FABP12: variants seen among roughly 807,000 people sequenced by gnomAD.
FABP12 encodes the protein fatty acid-binding protein 12.
In FABP12, 19 loss-of-function variants were observed where a neutral mutation model predicts 13.7. The ratio of observed to expected loss-of-function variants is 1.39; its 90% CI spans 0.97 to 2.04. FABP12 has a LOEUF of 2.04. Among genes scored for constraint, FABP12 ranks in the 30% most tolerant of loss-of-function variants. The pLI, the probability that FABP12 is intolerant of heterozygous loss-of-function variation, is 0.00. For synonymous variants in FABP12, 61 were observed against 57.0 expected (o/e 1.07, Z -0.32); for missense variants, 182 against 164.2 (o/e 1.11, Z -0.59).
intron 1 of FABP12, among the ~76,000 whole-genome samples, chr8:81,547,678 T>C (rs1809457536): frequency 6.6e-6 from 1 of 152,198 alleles, no homozygotes; most frequent in Non-Finnish European, 1.5e-5. Context: ...ATCATTTAAT[T>C]TTTCATAACT....
At chr8:81,557,094 C>T (rs192156669) in intron 1 of FABP12, among the ~76,000 whole-genome samples, 340 of 151,964 alleles carry the variant, frequency 2.2e-3, no homozygotes, top group Non-Finnish European at 3.9e-3. Context: ...AGGCTGGTCT[C>T]GAATTCCTGA....
At chr8:81,587,981 T>A (rs1416244020) in intron 1 of FABP12, among the ~76,000 whole-genome samples, 1 of 152,132 alleles carries the variant, frequency 6.6e-6, no homozygotes, top group East Asian at 1.9e-4. Context: ...TGGAGTGTGA[T>A]GTTCAAGGTC....
chr8:81,582,134 T>TTA (rs1420311388), intron 1 of FABP12, among the ~76,000 whole-genome samples: 3 of 142,530 alleles, frequency 2.1e-5, no homozygotes, highest in Non-Finnish European at 4.6e-5. Flanking sequence ...TTTTTTTTTT[T>TTA]TTTTTTGAGA....
chr8:81,544,000 G>T (rs1809394957), intron 1 of FABP12, among the ~76,000 whole-genome samples: 1 of 152,126 alleles, frequency 6.6e-6, no homozygotes, highest in Non-Finnish European at 1.5e-5. Flanking sequence ...AACAGATATA[G>T]AGCACAGGAA....
chr8:81,525,305 CAGG>C (rs1808866177), intron 4 of FABP12, among the ~76,000 whole-genome samples, 185 bp from the exon 5 acceptor site: 1 of 152,136 alleles, frequency 6.6e-6, no homozygotes, highest in South Asian at 2.1e-4. Flanking sequence ...CACCTGAGGT[CAGG>C]AGTTCAAGAC....
chr8:81,567,252 G>A (rs746038770), intron 1 of FABP12, among the ~76,000 whole-genome samples: 15 of 151,956 alleles, frequency 9.9e-5, no homozygotes, highest in Non-Finnish European at 1.8e-4. Flanking sequence ...CATTGGTAGG[G>A]ATTCAATACA....
At chr8:81,532,713 C>T (rs1490003267) in intron 1 of FABP12, among the ~76,000 whole-genome samples, 2 of 152,136 alleles carry the variant, frequency 1.3e-5, no homozygotes, top group African/African-American at 4.8e-5. Context: ...CCCAGCTACT[C>T]GGGAGGCTGA....
intron 1 of FABP12, among the ~76,000 whole-genome samples, chr8:81,558,620 G>A (rs1241544463): frequency 1.3e-5 from 2 of 152,154 alleles, no homozygotes; most frequent in Admixed American, 6.5e-5. Flanking sequence ...GGCAGGGCGC[G>A]GTGGCTCGTG....
intron 1 of FABP12, among the ~76,000 whole-genome samples, 189 bp from the exon 2 acceptor site, chr8:81,531,579 A>G (rs140435569): frequency 2.2e-3 from 339 of 152,336 alleles, no homozygotes; most frequent in African/African-American, 7.3e-3. Flanking sequence ...ACCTTTTCCA[A>G]CACCAATTTA....
chr8:81,530,983 T>A (rs1339595356), intron 2 of FABP12, among the ~76,000 whole-genome samples: 1 of 152,096 alleles, frequency 6.6e-6, no homozygotes, highest in Non-Finnish European at 1.5e-5. Context: ...AATAGTTGTA[T>A]TTTTTTGTTT....
intron 1 of FABP12, among the ~76,000 whole-genome samples, chr8:81,575,400 A>C (rs1810021791): frequency 6.6e-6 from 1 of 152,144 alleles, no homozygotes; most frequent in Non-Finnish European, 1.5e-5. Context: ...AGAAAGTTCC[A>C]TGTGTTGTCA....
chr8:81,538,497 TATA>T (rs1238627492), upstream of FABP12, among the ~76,000 whole-genome samples: 1 of 152,134 alleles, frequency 6.6e-6, no homozygotes, highest in Non-Finnish European at 1.5e-5. Context: ...CATATGTTCT[TATA>T]AGAGAAAGGA....
exon 2 of FABP12, chr8:81,531,318 T>C (rs763045277): frequency 1.4e-5 from 22 of 1,594,942 alleles, no homozygotes; most frequent in Non-Finnish European, 1.8e-5. Context: ...TCAATCATTC[T>C]GTCTGAGATA....
intron 1 of FABP12, among the ~76,000 whole-genome samples, chr8:81,568,280 A>G (rs969300189): frequency 2.0e-5 from 3 of 151,720 alleles, no homozygotes; most frequent in Admixed American, 6.6e-5. Context: ...ACTCAATAGG[A>G]AAAAAAACCA....
At chr8:81,555,585 C>T (rs985528167) in intron 1 of FABP12, among the ~76,000 whole-genome samples, 2 of 152,148 alleles carry the variant, frequency 1.3e-5, no homozygotes, top group African/African-American at 4.8e-5. Context: ...TAGTTGCCAT[C>T]TTTTGATGGT....
chr8:81,530,320 C>A (rs1404503654), intron 2 of FABP12, among the ~76,000 whole-genome samples: 2 of 152,022 alleles, frequency 1.3e-5, no homozygotes, highest in Non-Finnish European at 2.9e-5. Flanking sequence ...TATACTTTTT[C>A]ATAGTACATA....
At chr8:81,587,818 C>A (rs1303812276) in intron 1 of FABP12, among the ~76,000 whole-genome samples, 3 of 151,944 alleles carry the variant, frequency 2.0e-5, no homozygotes, top group East Asian at 1.9e-4. Context: ...TGTGTTGACT[C>A]AGGCAATCAC....
At chr8:81,575,912 C>T (rs1054225972) in intron 1 of FABP12, among the ~76,000 whole-genome samples, 16 of 152,164 alleles carry the variant, frequency 1.1e-4, no homozygotes, top group Non-Finnish European at 1.5e-5. Context: ...GAAACCACCA[C>T]TCCCCAAACC....
intron 1 of FABP12, among the ~76,000 whole-genome samples, chr8:81,564,418 C>A (rs1809780731): frequency 6.6e-6 from 1 of 152,030 alleles, no homozygotes; most frequent in Non-Finnish European, 1.5e-5. Flanking sequence ...AAACTGATAA[C>A]TTGAGTAGTT....
Sources: allele counts gnomAD v4.1 joint callset (sites outside exome capture counted in the v4.1 genomes callset), GRCh38; gene constraint gnomAD v4.1.1; transcripts MANE v1.5; gene names NCBI Gene and HGNC (gene_info 2026-07-23, HGNC 2026-07-21).